Variants in PARP12 observed in about 807,000 individuals in gnomAD.
PARP12 encodes poly(ADP-ribose) polymerase family member 12.
PARP12 carries 59 observed loss-of-function variants against 72.4 expected under a neutral mutation model. The ratio of observed to expected loss-of-function variants is 0.81; its 90% CI spans 0.66 to 1.01. The LOEUF is 1.01. Among genes scored for constraint, PARP12 ranks in the 50% least tolerant of loss-of-function variants. PARP12 has a pLI of 0.00. For missense variants in PARP12, 851 were observed against 914.0 expected, an observed-to-expected ratio of 0.93 and a Z score of 0.89; for synonymous variants, 403 against 371.4, an observed-to-expected ratio of 1.09 and a Z score of -0.98.
At chr7:140,048,311 C>T (rs1156847099) in intron 4 of PARP12, among the ~76,000 whole-genome samples, 1 of 152,170 alleles carries the variant, frequency 6.6e-6, no homozygotes, top group East Asian at 1.9e-4. Context: ...GCCAGATCCT[C>T]ACTTCTCTCA....
intron 4 of PARP12, among the ~76,000 whole-genome samples, chr7:140,048,332 C>T (rs769939547): frequency 6.6e-5 from 10 of 152,158 alleles, no homozygotes; most frequent in Non-Finnish European, 1.2e-4. Flanking sequence ...TCACTCCAAG[C>T]ACACGCTGCC....
Position 140,062,525 on chromosome 7 carries a change from G to C in PARP12, c.323C>G (p.Ala108Gly). 7 of 1,548,706 alleles carry C rather than the reference G, an allele frequency of 4.5e-6. No individual in the cohort carries two copies. The highest frequency in any genetic ancestry group is 5.2e-6 in the Non-Finnish European group (6 of 1,151,860). Residue 108 changes from alanine to glycine, a missense_variant, in exon 1 of 12, where the codon GCC (alanine) becomes GGC (glycine). Physicochemically the swap from Ala to Gly is moderately conservative, Grantham distance 60. This residue lies in a region of PARP12 where 492 missense variants were observed against 489.3 expected (regional missense o/e 1.01). Coordinates refer to ENST00000263549, the MANE Select transcript of PARP12 (RefSeq NM_022750.4). Reference protein sequence around the residue: ...MVYGACKFLRAGKNCRNSHSL... With the variant: ...MVYGACKFLRGGKNCRNSHSL... ...CGCTCCCGGCGCGGCGCCTTACCCG[G>C]CTCTCAGGAACTTGCAGGCGCCGTA... is the stretch of plus-strand genomic sequence containing the variant.
At chr7:140,042,826 A>C (rs1452963009) in intron 5 of PARP12, among the ~76,000 whole-genome samples, 1 of 152,190 alleles carries the variant, frequency 6.6e-6, no homozygotes, top group African/African-American at 2.4e-5. Context: ...AGCTGCAAAG[A>C]CCACCCAGGG....
chr7:140,027,723 T>C lies in PARP12; in HGVS notation c.1498-317A>G, dbSNP rs547618868. 14 of 217,184 alleles carry C rather than the reference T, an allele frequency of 6.4e-5. No individual in the cohort carries two copies. In the South Asian group the frequency reaches 6.7e-4, roughly 10 times the overall value. 13.5% of individuals were successfully genotyped at this position (217,184 alleles called of 1,614,324 possible). ...AGTTTCCAAGAACCTACTGATGATG[T>C]TGAGGATTTACTATGTTTGCAAATT... On this transcript the variant is annotated intron_variant, in intron 9 of 11. Transcript: ENST00000263549.
intron 8 of PARP12, among the ~76,000 whole-genome samples, chr7:140,030,282 T>A (rs1815889509): frequency 6.6e-6 from 1 of 152,192 alleles, no homozygotes; most frequent in Admixed American, 6.5e-5. Flanking sequence ...AGTGAAAATT[T>A]CCTTCAAGAT....
At chr7:140,038,004 G>A (rs1816288721) in intron 6 of PARP12, 148 bp from the exon 7 acceptor site, 3 of 1,440,004 alleles carry the variant, frequency 2.1e-6, no homozygotes, top group Non-Finnish European at 2.7e-6. Context: ...GGTATGGCAG[G>A]AGAGAGAGGC....
At chr7:140,045,045 A>C (rs62490143) in intron 5 of PARP12, among the ~76,000 whole-genome samples, 2 of 149,840 alleles carry the variant, frequency 1.3e-5, no homozygotes, top group East Asian at 3.9e-4. Flanking sequence ...TTTTTTTTTA[A>C]TAGAGACAAG....
intron 1 of PARP12, among the ~76,000 whole-genome samples, chr7:140,060,905 G>A (rs984249021): frequency 2.0e-5 from 3 of 152,076 alleles, no homozygotes; most frequent in Admixed American, 6.6e-5. Context: ...CAGCGCATTG[G>A]GGCCCTGGCC....
chr7:140,035,947 G>GGAC lies in PARP12; in HGVS notation c.1325-1617_1325-1616insGTC, dbSNP rs1227764791. ...AGGACAAGGAGGAGGAGGAGGAGGAGGAGGACGAGGAGGAGGAGGAGGACG... is the reference window on the plus strand; with the variant it reads ...AGGACAAGGAGGAGGAGGAGGAGGAGGACGAGGACGAGGAGGAGGAGGAGGACG... On this transcript the variant is annotated intron_variant, in intron 7 of 11. Transcript: ENST00000263549. 5.1e-5 allele frequency among the ~76,000 whole-genome samples: 5 copies of GGAC among 98,776 alleles called. 1 individual carries two copies. The highest frequency in any genetic ancestry group is 2.7e-4 in the African/African-American group (4 of 15,022). 64.8% of individuals were successfully genotyped at this position (98,776 alleles called of 152,430 possible).
In PARP12 at chr7:140,057,010, A is replaced by G. The variant is rs1817212255; in HGVS notation, c.606T>C (p.Ser202=). Residue 202 remains serine (S), a synonymous_variant, in exon 3 of 12, where the codon TCT becomes TCC. Transcript: ENST00000263549. ...GTSCKRSHDF[S]NSENLEKLEK... Reference sequence around the variant, plus strand: ...CCAATTTTTCCAGATTCTCAGAATTAGAGAAATCATGGGATCTCTTACAGC... The same window carrying G: ...CCAATTTTTCCAGATTCTCAGAATTGGAGAAATCATGGGATCTCTTACAGC... 8.1e-6 allele frequency: 13 copies of G among 1,614,262 alleles called. No individual in the cohort carries two copies. Among genetic ancestry groups the G allele is most frequent in the Non-Finnish European group, 1.1e-5 (13 of 1,180,052 alleles).
intron 3 of PARP12, 56 bp from the exon 4 acceptor site, chr7:140,054,819 G>A: frequency 7.1e-7 from 1 of 1,416,958 alleles, no homozygotes; most frequent in African/African-American, 1.4e-5. Flanking sequence ...ATAAAAGAGA[G>A]TTAAAGAGGA....
At chr7:140,061,171 T>C (rs1204756101) in intron 1 of PARP12, among the ~76,000 whole-genome samples, 1 of 152,230 alleles carries the variant, frequency 6.6e-6, no homozygotes. Context: ...ACCCTGCATC[T>C]AGACAGGGTC....
At chr7:140,033,738 G>A (rs2116536536) in intron 8 of PARP12, 1 of 989,644 alleles carries the variant, frequency 1.0e-6, no homozygotes. Context: ...GGTGGCTCCT[G>A]GCAGCCATCT....
At chr7:140,062,381 C>A in intron 1 of PARP12, 141 bp downstream of exon 1, 1 of 877,096 alleles carries the variant, frequency 1.1e-6, no homozygotes. Flanking sequence ...TAAACGCTCG[C>A]TTTAGTGAAT....
intron 7 of PARP12, among the ~76,000 whole-genome samples, chr7:140,035,950 GGAC>G (rs879430909): frequency 0.014 from 1,316 of 90,898 alleles, 169 homozygotes; most frequent in Non-Finnish European, 0.017. Flanking sequence ...AGGAGGAGGA[GGAC>G]GAGGAGGAGG....
At chr7:140,042,918 G>A (rs117290295) in intron 5 of PARP12, among the ~76,000 whole-genome samples, 2,574 of 152,290 alleles carry the variant, frequency 0.017, 34 homozygotes, top group Non-Finnish European at 0.027. Flanking sequence ...TTTCTTGGCC[G>A]GGCATGGTGG....
chr7:140,047,574 G>T (rs186052403), intron 4 of PARP12, among the ~76,000 whole-genome samples: 306 of 152,174 alleles, frequency 2.0e-3, no homozygotes, highest in African/African-American at 7.1e-3. Flanking sequence ...GCAACAAAAT[G>T]GACTAAGACA....
chr7:140,033,454 AAAG>A (rs759851561), intron 8 of PARP12: 21 of 985,424 alleles, frequency 2.1e-5, no homozygotes, highest in Non-Finnish European at 2.5e-5. Context: ...AACACTGCCT[AAAG>A]TCCCAGCACT....
Position 140,045,564 on chromosome 7 carries a change from C to T in PARP12, c.986+1320G>A, listed in dbSNP as rs569896388. ...GTTCTTTCATTGTTTGACAGAATGA[C>T]AAAAGGCACTGATTGGCTTAAGCTC... On this transcript the variant is annotated intron_variant, in intron 5 of 11. Transcript: ENST00000263549. 1.6e-3 allele frequency among the ~76,000 whole-genome samples: 237 copies of T among 152,128 alleles called. 1 individual carries two copies. Among genetic ancestry groups the T allele is most frequent in the Non-Finnish European group, 3.0e-3 (207 of 68,004 alleles).
Sources: allele counts gnomAD v4.1 joint callset (sites outside exome capture counted in the v4.1 genomes callset), GRCh38; gene constraint gnomAD v4.1.1; regional missense constraint gnomAD v4.1.1; transcripts MANE v1.5; gene names NCBI Gene and HGNC (gene_info 2026-07-23, HGNC 2026-07-21).